RAB3GAP2: variants seen among roughly 807,000 people sequenced by gnomAD.
RAB3GAP2 encodes the protein RAB3 GTPase activating non-catalytic protein subunit 2.
Under a neutral mutation model 185.3 loss-of-function variants are expected in RAB3GAP2, and 87 were observed. The ratio of observed to expected loss-of-function variants is 0.47; its 90% CI spans 0.39 to 0.56. RAB3GAP2 has a LOEUF of 0.56. Among genes scored for constraint, RAB3GAP2 ranks in the 20% least tolerant of loss-of-function variants. The probability of loss-of-function intolerance (pLI) is 0.00; values close to 1 mark genes in which losing one functional copy is unlikely to be tolerated. For missense variants in RAB3GAP2, 1,492 were observed against 1,638.2 expected, an observed-to-expected ratio of 0.91 and a Z score of 1.54; for synonymous variants, 554 against 576.1, an observed-to-expected ratio of 0.96 and a Z score of 0.55.
chr1:220,239,989 T>TAAAAAAAA (rs146214516), intron 1 of RAB3GAP2, among the ~76,000 whole-genome samples: 1 of 135,008 alleles, frequency 7.4e-6, no homozygotes, highest in Non-Finnish European at 1.6e-5. Context: ...TTTTGAAGAT[T>TAAAAAAAA]AAAAAAAAAA....
chr1:220,238,598 A>G (rs923642384), intron 1 of RAB3GAP2, among the ~76,000 whole-genome samples: 2 of 152,180 alleles, frequency 1.3e-5, no homozygotes, highest in African/African-American at 4.8e-5. Flanking sequence ...CACCCTTAAT[A>G]GCTGTTATAA....
intron 20 of RAB3GAP2, 27 bp downstream of exon 20, chr1:220,182,691 C>T (rs1658434239): frequency 1.2e-5 from 18 of 1,492,058 alleles, no homozygotes; most frequent in Non-Finnish European, 1.6e-5. Context: ...AAGAGGCATA[C>T]AAAGACCAGT....
chr1:220,253,436 A>T lies in RAB3GAP2; in HGVS notation c.115+18787T>A, dbSNP rs2491268. 10,569 of 1,420,512 alleles carry T rather than the reference A, an allele frequency of 7.4e-3. 685 individuals are homozygous for T. The African/African-American group carries it at 0.14, about 18-fold the overall frequency. 88.0% of individuals were successfully genotyped at this position (1,420,512 alleles called of 1,614,324 possible). On this transcript the variant is annotated intron_variant, in intron 1 of 34. Coordinates refer to ENST00000358951, the MANE Select transcript of RAB3GAP2 (RefSeq NM_012414.4). Reference sequence around the variant, plus strand: ...CTATGGTAGAGTGGCCAGACTGTTAAAAGAAAACCAGAACCCAGGATGTAG... The same window carrying T: ...CTATGGTAGAGTGGCCAGACTGTTATAAGAAAACCAGAACCCAGGATGTAG...
intron 9 of RAB3GAP2, 47 bp from the exon 10 acceptor site, chr1:220,196,445 C>T (rs1658726215): frequency 4.6e-6 from 7 of 1,514,748 alleles, no homozygotes; most frequent in Non-Finnish European, 6.4e-6. Flanking sequence ...TTATTGCGGT[C>T]ATTACATTTT....
At chr1:220,198,792 C>T (rs1658781744) in intron 9 of RAB3GAP2, among the ~76,000 whole-genome samples, 1 of 152,118 alleles carries the variant, frequency 6.6e-6, no homozygotes, top group African/African-American at 2.4e-5. Flanking sequence ...GGCCTTCCCA[C>T]ACTTTGAAAG....
intron 1 of RAB3GAP2, among the ~76,000 whole-genome samples, chr1:220,238,227 T>C: frequency 6.6e-6 from 1 of 152,098 alleles, no homozygotes; most frequent in East Asian, 1.9e-4. Context: ...TCTTTTTTTG[T>C]AGAGATGAAG....
chr1:220,251,579 A>T (rs764497311), intron 1 of RAB3GAP2, among the ~76,000 whole-genome samples: 22 of 152,246 alleles, frequency 1.4e-4, no homozygotes, highest in Non-Finnish European at 2.5e-4. Flanking sequence ...GCCATGATAT[A>T]CCATTTTTCA....
intron 1 of RAB3GAP2, chr1:220,267,809 T>C (rs1248501863): frequency 1.4e-6 from 2 of 1,399,014 alleles, no homozygotes; most frequent in Non-Finnish European, 2.0e-6. Flanking sequence ...TTGCAGGTAA[T>C]GGATTCTGAC....
rs537226817 is a variant in RAB3GAP2, at chr1:220,168,544, T to C, written c.2807-869A>G. ...TCCCAAGTAGCTTGGATTACATGCA[T>C]GTGCCACCATGCCCGGCTAAATTTT... On this transcript the variant is annotated intron_variant, in intron 24 of 34. Coordinates refer to ENST00000358951, the MANE Select transcript of RAB3GAP2 (RefSeq NM_012414.4). Among the ~76,000 whole-genome samples the C allele has an allele frequency of 2.0e-5, 3 of 152,084 alleles. No homozygotes were observed. The South Asian group carries it at 6.2e-4, about 32-fold the overall frequency.
chr1:220,272,073 G>C, intron 1 of RAB3GAP2, 150 bp downstream of exon 1: 1 of 723,632 alleles, frequency 1.4e-6, no homozygotes, highest in Non-Finnish European at 2.5e-6. Context: ...AGGTGGGCAG[G>C]GTGTCATCCC....
At chr1:220,177,784 AAAGG>A (rs1424236508) in intron 21 of RAB3GAP2, among the ~76,000 whole-genome samples, 2 of 152,218 alleles carry the variant, frequency 1.3e-5, no homozygotes, top group Non-Finnish European at 2.9e-5. Context: ...AAATGAATGA[AAAGG>A]AATGAACAAG....
chr1:220,190,384 C>A lies in RAB3GAP2; in HGVS notation c.1624G>T (p.Ala542Ser), dbSNP rs765340567. Reference sequence around the variant, plus strand: ...ACACTGGACACACCTTACCTCAGTGCTAAATGGAAGGGAACGTTCACTGTT... The same window carrying A: ...ACACTGGACACACCTTACCTCAGTGATAAATGGAAGGGAACGTTCACTGTT... ...VKTVNVPFHL[A>S]LSDKKSERAK... The change falls in exon 15 of 35, where the codon GCA becomes TCA. Residue 542 changes from alanine to serine, a missense_variant. By Grantham distance (99) the Ala-to-Ser change is moderately conservative. Around this residue, in one of 5 missense-constraint regions of RAB3GAP2, gnomAD observed 681 missense variants for 689.1 expected, o/e 0.99. Coordinates refer to ENST00000358951, the MANE Select transcript of RAB3GAP2 (RefSeq NM_012414.4). 3.1e-6 allele frequency: 5 copies of A among 1,614,040 alleles called. No homozygotes were observed. The highest frequency in any genetic ancestry group is 3.3e-5 in the Admixed American group (2 of 60,012).
In RAB3GAP2 at chr1:220,182,841, T is replaced by C; in HGVS notation, c.2089A>G (p.Asn697Asp). 1.2e-6 allele frequency: 2 copies of C among 1,613,588 alleles called. No individual in the cohort carries two copies. The highest frequency in any genetic ancestry group is 1.7e-6 in the Non-Finnish European group (2 of 1,179,658). Residue 697 changes from asparagine (N) to aspartate (D), a missense_variant, in exon 20 of 35, where the codon AAT (asparagine) becomes GAT (aspartate). This residue lies in a region of RAB3GAP2 where 681 missense variants were observed against 689.1 expected (regional missense o/e 0.99). Coordinates refer to ENST00000358951, the MANE Select transcript of RAB3GAP2 (RefSeq NM_012414.4). Reference protein sequence around the residue: ...EKYKQENTRTNVRFSDDKDGV... With the variant: ...EKYKQENTRTDVRFSDDKDGV... The stretch of plus-strand genomic sequence containing the variant: ...TCTTTATCATCAGAAAATCGAACAT[T>C]TGTCCTGGTGTTCTCTTGCTTATAT...
Position 220,272,363 on chromosome 1 carries a change from C to G in RAB3GAP2, c.-26G>C. 6.7e-7 allele frequency: 1 copy of G among 1,502,944 alleles called. No individual in the cohort carries two copies. Among genetic ancestry groups the G allele is most frequent in the Non-Finnish European group, 9.2e-7 (1 of 1,089,660 alleles). 93.1% of individuals were successfully genotyped at this position (1,502,944 alleles called of 1,614,324 possible). A position where few individuals can be genotyped will look rare whatever the true frequency, so the allele number is the denominator to read the frequency against. On this transcript the variant is annotated 5_prime_UTR_variant, in exon 1 of 35. Transcript: ENST00000358951. ...GGCTCCAGGGAACCCCACTACGGCA[C>G]TCACCTTACCTCACCACGCCCTGCC...
At chr1:220,166,254 A>G (rs943767927) in intron 26 of RAB3GAP2, among the ~76,000 whole-genome samples, 4 of 152,192 alleles carry the variant, frequency 2.6e-5, no homozygotes, top group Non-Finnish European at 5.9e-5. Flanking sequence ...GTGATTACAC[A>G]GTTTTTTGGA....
Position 220,213,971 on chromosome 1 carries a change from T to G in RAB3GAP2, c.189A>C (p.Glu63Asp). 1 of 1,613,402 alleles carries G rather than the reference T, an allele frequency of 6.2e-7. No individual in the cohort carries two copies. The highest frequency in any genetic ancestry group is 1.1e-5 in the South Asian group (1 of 91,036). ...TTTTTTGTGTTTTGCAAGTATTTCC[T>G]TCTTCTTCCTGTGGGTAAAACTACA... ...EENEPQEPEE[E>D]GNTCKTQKTS... Residue 63 changes from glutamate to aspartate, a missense_variant, in exon 3 of 35, where the codon GAA becomes GAC. Glu to Asp is a conservative substitution (Grantham distance 45). Transcript: ENST00000358951.
At chr1:220,187,222 G>C (rs1381478666) in intron 17 of RAB3GAP2, among the ~76,000 whole-genome samples, 1 of 152,142 alleles carries the variant, frequency 6.6e-6, no homozygotes, top group Non-Finnish European at 1.5e-5. Flanking sequence ...ATAATTTCTT[G>C]AACAATGGGG....
At chr1:220,252,457 G>A (rs1659952381) in intron 1 of RAB3GAP2, among the ~76,000 whole-genome samples, 1 of 152,192 alleles carries the variant, frequency 6.6e-6, no homozygotes, top group Admixed American at 6.5e-5. Flanking sequence ...GAAATGAAAA[G>A]GGGCAAGTGA....
intron 24 of RAB3GAP2, among the ~76,000 whole-genome samples, chr1:220,169,215 A>G (rs12023844): frequency 0.012 from 1,842 of 152,330 alleles, 56 homozygotes; most frequent in East Asian, 0.1. Context: ...AAATCTATAA[A>G]CATGTGGGTA....
Sources: allele counts gnomAD v4.1 joint callset (sites outside exome capture counted in the v4.1 genomes callset), GRCh38; gene constraint gnomAD v4.1.1; regional missense constraint gnomAD v4.1.1; transcripts MANE v1.5; gene names NCBI Gene and HGNC (gene_info 2026-07-23, HGNC 2026-07-21).